The following DNHD1 variants were observed in gnomAD, a reference collection of about 807,000 sequenced individuals.
DNHD1 encodes the protein dynein heavy chain domain-containing protein 1.
A neutral mutation model predicts 458.1 loss-of-function variants in DNHD1; 383 were observed. The observed-to-expected ratio is 0.84, with a 90% CI of 0.77 to 0.91. The LOEUF is 0.91. Ranked by LOEUF, DNHD1 falls within the 40% of genes least tolerant of loss-of-function variation. The pLI is 0.00. For synonymous variants in DNHD1, 2,203 were observed against 2,376.9 expected, an observed-to-expected ratio of 0.93 and a Z score of 2.13; for missense variants, 5,336 against 5,866.1, an observed-to-expected ratio of 0.91 and a Z score of 2.95.
chr11:6,503,121 C>T (rs753131998), intron 4 of DNHD1, 195 bp downstream of exon 4: 2 of 555,806 alleles, frequency 3.6e-6, no homozygotes, highest in Middle Eastern at 4.5e-4. Flanking sequence ...CTCCCCTTCA[C>T]TCCCTGTTGC....
chr11:6,516,332 C>T (rs35272687), intron 7 of DNHD1, among the ~76,000 whole-genome samples: 24,114 of 134,624 alleles, frequency 0.18, 2,143 homozygotes, highest in Middle Eastern at 0.3. Context: ...TCATTCTTGT[C>T]GCCTAGGCTG....
chr11:6,548,787 AC>A lies in DNHD1; in HGVS notation c.7244del (p.Pro2415LeufsTer12). The A allele has an allele frequency of 6.4e-7, 1 of 1,551,508 alleles. No homozygotes were observed. The highest frequency in any genetic ancestry group is 2.0e-5 in the Admixed American group (1 of 50,978). Reference sequence around the variant, plus strand: ...CACCCTTACATATACAGCCCCATCCACCCTGCCTTCAGTTCCTCCCACCTCC... The same window carrying A: ...CACCCTTACATATACAGCCCCATCCACCTGCCTTCAGTTCCTCCCACCTCC... ...PHHPYIYSPI[H>X]PAFSSSHLRL... is the part of the protein sequence containing the mutation. On this transcript the variant is annotated frameshift_variant, in exon 24 of 43. Coordinates refer to ENST00000254579, the MANE Select transcript of DNHD1 (RefSeq NM_144666.3). LOFTEE classifies it high-confidence loss of function. The surrounding 1 kb of genome is among the most constrained non-coding windows in gnomAD (Gnocchi z 4.4).
At chr11:6,520,601 G>A (rs1852586528) in intron 10 of DNHD1, 1 of 1,185,302 alleles carries the variant, frequency 8.4e-7, no homozygotes, top group Admixed American at 3.9e-5. Context: ...TGCCATAATT[G>A]CATTTCATTT....
chr11:6,511,044 A>G (rs552751145), intron 6 of DNHD1, among the ~76,000 whole-genome samples: 2 of 152,320 alleles, frequency 1.3e-5, no homozygotes, highest in South Asian at 4.1e-4. Context: ...AAGCACTTGC[A>G]CATACCCCAA....
chr11:6,564,415 C>T lies in DNHD1; in HGVS notation c.10367C>T (p.Pro3456Leu). ...AAIIYLGPFP[P>L]LRRQELLDEW... ...ATCATCTACCTGGGTCCCTTCCCAC[C>T]ATTGCGGCGCCAAGAGCTACTGGAC... The change falls in exon 32 of 43, where the codon CCA (proline) becomes CTA (leucine). Residue 3456 changes from proline to leucine, a missense_variant. By Grantham distance (98) the Pro-to-Leu change is moderately conservative (BLOSUM62 -3). Coordinates refer to ENST00000254579, the MANE Select transcript of DNHD1 (RefSeq NM_144666.3). The T allele has an allele frequency of 6.4e-7, 1 of 1,551,718 alleles. No homozygotes were observed. The highest frequency in any genetic ancestry group is 8.7e-7 in the Non-Finnish European group (1 of 1,146,978).
In DNHD1 at chr11:6,553,733, A is replaced by G. The variant is rs200228932; in HGVS notation, c.7388-2950A>G. On this transcript the variant is annotated intron_variant, in intron 24 of 42. Transcript: ENST00000254579. ...AAACATTGGAAATTGAAATTTTAAA[A>G]TATCACTTAAAAGTCATTTAAAAGC... Among the ~76,000 whole-genome samples the G allele has an allele frequency of 3.9e-5, 6 of 152,342 alleles. No individual in the cohort carries two copies. In the East Asian group the frequency reaches 1.2e-3, roughly 29 times the overall value.
intron 26 of DNHD1, 79 bp from the exon 27 acceptor site, chr11:6,558,823 C>A: frequency 6.6e-7 from 1 of 1,517,220 alleles, no homozygotes; most frequent in Non-Finnish European, 8.9e-7. Flanking sequence ...ACCCTTCTTC[C>A]TGAGCTAGGA....
intron 14 of DNHD1, 104 bp downstream of exon 14, chr11:6,534,277 G>A (rs2134413934): frequency 8.2e-7 from 1 of 1,221,332 alleles, no homozygotes. Context: ...CCCCAAGCAA[G>A]CCTTGGGAAT....
At chr11:6,512,453 AC>A (rs1589868314) in intron 7 of DNHD1, among the ~76,000 whole-genome samples, 2 of 151,510 alleles carry the variant, frequency 1.3e-5, no homozygotes, top group East Asian at 3.9e-4. Context: ...TGATCTCCTG[AC>A]CTTGTGATCC....
rs370634504 is a variant in DNHD1 at position 6,568,777 on chromosome 11, C to T, written c.12774C>T (p.Pro4258=). The T allele has an allele frequency of 8.1e-6, 13 of 1,613,552 alleles. No homozygotes were observed. The highest frequency in any genetic ancestry group is 3.3e-5 in the Admixed American group (2 of 59,986). ...AGCAAGTACTCTACATGCAACCCCC[C>T]ACCCAGGCACTACCTCTGCTCCTCC... ...LAQQVLYMQP[P]TQALPLLLLH... is the part of the protein sequence containing the mutation. Residue 4258 remains proline (P), a synonymous_variant, in exon 39 of 43, where the codon CCC becomes CCT. Coordinates refer to ENST00000254579, the MANE Select transcript of DNHD1 (RefSeq NM_144666.3).
intron 24 of DNHD1, among the ~76,000 whole-genome samples, chr11:6,555,782 G>C (rs961881855): frequency 2.6e-5 from 4 of 152,282 alleles, no homozygotes; most frequent in Non-Finnish European, 5.9e-5. Context: ...AAATAACAAT[G>C]CCTGTGATGG....
chr11:6,515,541 C>G (rs755361566), intron 7 of DNHD1, among the ~76,000 whole-genome samples: 1 of 152,160 alleles, frequency 6.6e-6, no homozygotes, highest in Non-Finnish European at 1.5e-5. Flanking sequence ...CCTCCTTCCC[C>G]ACTCCAGATG....
intron 7 of DNHD1, among the ~76,000 whole-genome samples, chr11:6,511,691 G>A (rs559514968): frequency 2.5e-4 from 38 of 152,320 alleles, no homozygotes; most frequent in African/African-American, 8.2e-4. Flanking sequence ...ATGTATCAAT[G>A]TCTATTTTGT....
chr11:6,556,826 G>A lies in DNHD1; in HGVS notation c.7531G>A (p.Glu2511Lys). Residue 2511 changes from glutamate (E) to lysine (K), a missense_variant, in exon 25 of 43, where the codon GAG (glutamate) becomes AAG (lysine). By Grantham distance (56) the Glu-to-Lys change is moderately conservative. Coordinates refer to ENST00000254579, the MANE Select transcript of DNHD1 (RefSeq NM_144666.3). ...LATVTVPGYCERPLCPRLFRL... is the reference protein window; with the variant it reads ...LATVTVPGYCKRPLCPRLFRL... The stretch of plus-strand genomic sequence containing the variant: ...CACTGTCACAGTGCCAGGATACTGT[G>A]AGCGCCCACTGTGTCCACGCCTCTT... 6.4e-7 allele frequency: 1 copy of A among 1,551,650 alleles called. No individual in the cohort carries two copies. Among genetic ancestry groups the A allele is most frequent in the Non-Finnish European group, 8.7e-7 (1 of 1,146,984 alleles).
In DNHD1 at chr11:6,544,681, G is replaced by C. The variant is rs1390759497; in HGVS notation, c.3852+10G>C. 1.3e-6 allele frequency: 2 copies of C among 1,550,624 alleles called. No individual in the cohort carries two copies. The highest frequency in any genetic ancestry group is 2.4e-5 in the East Asian group (1 of 40,930). ...TCCTAATGCTGACCTGGTAGGGAAGGGGGTTGAGGCAGAGAGGGCAAGAAG... is the reference window on the plus strand; with the variant it reads ...TCCTAATGCTGACCTGGTAGGGAAGCGGGTTGAGGCAGAGAGGGCAAGAAG... On this transcript the variant is annotated intron_variant, in intron 20 of 42. Transcript: ENST00000254579.
chr11:6,530,241 C>T (rs1041210690), intron 12 of DNHD1, among the ~76,000 whole-genome samples: 1 of 152,192 alleles, frequency 6.6e-6, no homozygotes, highest in Non-Finnish European at 1.5e-5. Context: ...CTCCTCAACC[C>T]ATCTCAGGTT....
In DNHD1 at chr11:6,558,938, C is replaced by T; in HGVS notation, c.9248C>T (p.Pro3083Leu). The T allele has an allele frequency of 6.4e-7, 1 of 1,551,708 alleles. No individual in the cohort carries two copies. The change falls in exon 27 of 43, where the codon CCC (proline) becomes CTC (leucine). Residue 3083 changes from proline (P) to leucine (L), a missense_variant. Pro to Leu is a moderately conservative substitution (Grantham distance 98). Coordinates refer to ENST00000254579, the MANE Select transcript of DNHD1 (RefSeq NM_144666.3). The part of the protein sequence containing the change: ...WKYPDLQASI[P>L]SVAKAMALIH... ...TACCCAGACCTCCAGGCCTCAATTC[C>T]CAGTGTGGCCAAAGCCATGGCTCTT...
chr11:6,566,379 G>T lies in DNHD1; in HGVS notation c.11192G>T (p.Cys3731Phe), dbSNP rs200407969. Residue 3731 changes from cysteine (C) to phenylalanine (F), a missense_variant, in exon 34 of 43, where the codon TGT becomes TTT. Cys to Phe is a radical substitution (Grantham distance 205). Coordinates refer to ENST00000254579, the MANE Select transcript of DNHD1 (RefSeq NM_144666.3). ...TATCTCAGCACCACCCTCTCCCTCT[G>T]TGCCATGGAAAAAGGTGAGGCCCAG... ...CLYLSTTLSL[C>F]AMEKVLGCEL... The T allele has an allele frequency of 3.6e-4, 568 of 1,559,074 alleles. 5 individuals are homozygous for T. In the South Asian group the frequency reaches 6.5e-3, roughly 18 times the overall value.
Position 6,567,183 on chromosome 11 carries a change from A to G in DNHD1, c.11674A>G (p.Met3892Val). The G allele has an allele frequency of 1.2e-6, 2 of 1,614,038 alleles. No individual in the cohort carries two copies. Among genetic ancestry groups the G allele is most frequent in the Non-Finnish European group, 1.7e-6 (2 of 1,179,894 alleles). ...LAVTKQALDSMKPREINHGED... is the reference protein window; with the variant it reads ...LAVTKQALDSVKPREINHGED... The stretch of plus-strand genomic sequence containing the variant: ...AGTCACTAAGCAGGCTCTGGACAGC[A>G]TGAAGCCACGTGAGATTAATCACGG... The change falls in exon 36 of 43, where the codon ATG becomes GTG. Residue 3892 changes from methionine (M) to valine (V), a missense_variant. Met to Val is a conservative substitution (Grantham distance 21). Coordinates refer to ENST00000254579, the MANE Select transcript of DNHD1 (RefSeq NM_144666.3).
Sources: allele counts gnomAD v4.1 joint callset (sites outside exome capture counted in the v4.1 genomes callset), GRCh38; gene constraint gnomAD v4.1.1; non-coding constraint Gnocchi (gnomAD v3.1); transcripts MANE v1.5; gene names NCBI Gene and HGNC (gene_info 2026-07-23, HGNC 2026-07-21).